The following SNRPC variants were observed in gnomAD, a reference collection of about 807,000 sequenced individuals.
SNRPC encodes the protein small nuclear ribonucleoprotein polypeptide C, also known as U1 small nuclear ribonucleoprotein C.
Under a neutral mutation model 20.0 loss-of-function variants are expected in SNRPC, and 5 were observed. That is an observed-to-expected ratio of 0.25 (90% confidence interval 0.13 to 0.53). The LOEUF (loss-of-function observed/expected upper bound fraction) is 0.53. Among genes scored for constraint, SNRPC ranks in the 20% least tolerant of loss-of-function variants. The probability of loss-of-function intolerance (pLI) is 0.96; values close to 1 mark genes in which losing one functional copy is unlikely to be tolerated. For synonymous variants in SNRPC, 61 were observed against 58.7 expected, an observed-to-expected ratio of 1.04 and a Z score of -0.18; for missense variants, 112 against 224.1, an observed-to-expected ratio of 0.50 and a Z score of 3.19.
intron 3 of SNRPC, among the ~76,000 whole-genome samples, chr6:34,766,140 T>G (rs1378476239): frequency 6.6e-6 from 1 of 152,214 alleles, no homozygotes; most frequent in Non-Finnish European, 1.5e-5. Flanking sequence ...ATTTACAGTA[T>G]ATTCTGTAGT....
At chr6:34,757,792 G>T in intron 1 of SNRPC, 120 bp from the exon 2 acceptor site, 4 of 1,597,654 alleles carry the variant, frequency 2.5e-6, no homozygotes, top group Non-Finnish European at 2.6e-6. Flanking sequence ...TTTGAGTCGT[G>T]AGGCGGTCTG....
rs568398453 is a variant in SNRPC at position 34,770,310 on chromosome 6, T to C, written c.270T>C (p.Gly90=). Residue 90 remains glycine, a synonymous_variant, in exon 5 of 6, where the codon GGT becomes GGC. Transcript: ENST00000244520. ...TTTCAGCGGGTCCTCCTCGCCCTGG[T>C]ATGATGCCAGCACCCCATATGGGGG... ...PPSLPGPPRP[G]MMPAPHMGGP... The C allele has an allele frequency of 6.2e-7, 1 of 1,612,878 alleles. No homozygotes were observed. Among genetic ancestry groups the C allele is most frequent in the African/African-American group, 1.3e-5 (1 of 75,022 alleles).
chr6:34,760,652 A>T (rs1372843345), intron 2 of SNRPC, among the ~76,000 whole-genome samples: 1 of 152,174 alleles, frequency 6.6e-6, no homozygotes, highest in African/African-American at 2.4e-5. Context: ...ATATCTTTTC[A>T]TGAGAAATGT....
intron 4 of SNRPC, among the ~76,000 whole-genome samples, chr6:34,770,070 A>G (rs1764667483): frequency 6.6e-6 from 1 of 152,224 alleles, no homozygotes; most frequent in African/African-American, 2.4e-5. Flanking sequence ...TAGAAATACA[A>G]AATTAGCTGG....
At chr6:34,758,558 GTCC>G (rs1204846212) in intron 2 of SNRPC, among the ~76,000 whole-genome samples, 3 of 152,004 alleles carry the variant, frequency 2.0e-5, no homozygotes, top group Non-Finnish European at 4.4e-5. Flanking sequence ...CAGGCGATCT[GTCC>G]TCCTCGGCCT....
In SNRPC at chr6:34,762,639, G is replaced by A. The variant is rs1581590021; in HGVS notation, c.96G>A (p.Glu32=). The change falls in exon 3 of 6, where the codon GAG becomes GAA. Residue 32 remains glutamate (E), a synonymous_variant. Coordinates refer to ENST00000244520, the MANE Select transcript of SNRPC (RefSeq NM_003093.3). ...ACTGCAGTGGAAGGAAACACAAAGA[G>A]AATGTGAAAGACTATTATCAGAAAT... ...KTHCSGRKHK[E]NVKDYYQKWM... 6.2e-7 allele frequency: 1 copy of A among 1,606,226 alleles called. No individual in the cohort carries two copies. The highest frequency in any genetic ancestry group is 2.2e-5 in the East Asian group (1 of 44,826).
intron 2 of SNRPC, among the ~76,000 whole-genome samples, chr6:34,758,239 T>C (rs1764479500): frequency 6.6e-6 from 1 of 152,108 alleles, no homozygotes; most frequent in African/African-American, 2.4e-5. Flanking sequence ...GATCAGGCAC[T>C]GCACTCCAGC....
At position 34,768,048 on chromosome 6, in the gene SNRPC, T is replaced by G. The variant is rs534626935; in HGVS notation, c.250+51T>G. The G allele has an allele frequency of 3.9e-6, 6 of 1,541,104 alleles. No homozygotes were observed. In the Admixed American group the frequency reaches 9.7e-5, roughly 25 times the overall value. On this transcript the variant is annotated intron_variant, in intron 4 of 5. Transcript: ENST00000244520. ...GGGTGTGACGGGGCAGGCTATCCTT[T>G]GATTAGGTTAGATTATCTCACCGTT... is the stretch of plus-strand genomic sequence containing the variant.
chr6:34,769,228 T>C (rs1581593050), intron 4 of SNRPC, among the ~76,000 whole-genome samples: 1 of 136,014 alleles, frequency 7.4e-6, no homozygotes, highest in South Asian at 2.3e-4. Context: ...TTTCTTTCTT[T>C]CTTTTTTTTT....
chr6:34,760,271 C>T lies in SNRPC; in HGVS notation c.51+2317C>T, dbSNP rs149471195. Among the ~76,000 whole-genome samples the T allele has an allele frequency of 3.7e-4, 57 of 152,096 alleles. 1 individual carries two copies. In the East Asian group the frequency reaches 9.1e-3, roughly 24 times the overall value. On this transcript the variant is annotated intron_variant, in intron 2 of 5. Transcript: ENST00000244520. ...GGGATTACAGGCCTGCACCACCACACCTGGCTAGTTTTCTTATTTTTAGTA... is the reference window on the plus strand; with the variant it reads ...GGGATTACAGGCCTGCACCACCACATCTGGCTAGTTTTCTTATTTTTAGTA...
intron 3 of SNRPC, among the ~76,000 whole-genome samples, chr6:34,763,153 A>G (rs574811343): frequency 6.6e-6 from 1 of 152,340 alleles, no homozygotes; most frequent in South Asian, 2.1e-4. Flanking sequence ...CTAGTCAAAA[A>G]GAGACTACCT....
intron 2 of SNRPC, among the ~76,000 whole-genome samples, chr6:34,760,341 C>G (rs950540336): frequency 2.6e-5 from 4 of 151,978 alleles, no homozygotes; most frequent in Admixed American, 6.6e-5. Context: ...CTCAGCCTCC[C>G]AAAGTGCTGG....
In SNRPC at chr6:34,759,033, A is replaced by G. The variant is rs952868654; in HGVS notation, c.51+1079A>G. 2.9e-4 allele frequency among the ~76,000 whole-genome samples: 44 copies of G among 149,952 alleles called. 1 individual carries two copies. The highest frequency in any genetic ancestry group is 8.8e-4 in the African/African-American group (36 of 40,942). ...AGACTCCGTCTCAAAAAAAAAAAAA[A>G]AAAAAAAAAAAAGAAAAGAAAACCC... On this transcript the variant is annotated intron_variant, in intron 2 of 5. Coordinates refer to ENST00000244520, the MANE Select transcript of SNRPC (RefSeq NM_003093.3).
intron 4 of SNRPC, among the ~76,000 whole-genome samples, chr6:34,768,694 G>A (rs1166288700): frequency 2.0e-5 from 3 of 149,962 alleles, no homozygotes; most frequent in African/African-American, 7.4e-5. Flanking sequence ...GGGGGTTGCA[G>A]TGAGCTGAGA....
At chr6:34,758,968 C>T (rs1400032344) in intron 2 of SNRPC, among the ~76,000 whole-genome samples, 1 of 139,388 alleles carries the variant, frequency 7.2e-6, no homozygotes, top group African/African-American at 2.7e-5. Flanking sequence ...TGCAGTGAGC[C>T]GAGATCCCGC....
chr6:34,767,805 G>C (rs773888990), intron 3 of SNRPC, 103 bp from the exon 4 acceptor site: 6 of 1,171,470 alleles, frequency 5.1e-6, no homozygotes, highest in Non-Finnish European at 6.9e-6. Context: ...CAAGAGTAAA[G>C]TAATTGGAAC....
intron 2 of SNRPC, among the ~76,000 whole-genome samples, chr6:34,762,166 T>C (rs962981663): frequency 1.3e-5 from 2 of 152,108 alleles, no homozygotes; most frequent in Non-Finnish European, 2.9e-5. Context: ...TGGCTGGTCA[T>C]AGTGGCTTGT....
At position 34,771,328 on chromosome 6, in the gene SNRPC, C is replaced by CA. The variant is rs774284128; in HGVS notation, c.355+954dup. Among the ~76,000 whole-genome samples the CA allele has an allele frequency of 5.6e-3, 353 of 63,372 alleles. 3 individuals carry two copies. The highest frequency in any genetic ancestry group is 8.5e-3 in the South Asian group (16 of 1,878). The allele number at this position is 63,372 out of a possible 152,430, so 41.6% of individuals were successfully genotyped here. A position where few individuals can be genotyped will look rare whatever the true frequency, so the allele number is the denominator to read the frequency against. On this transcript the variant is annotated intron_variant, in intron 5 of 5. Transcript: ENST00000244520. ...TGGGTGACAGAGTGAGACTGTGTCT[C>CA]AAAAAAAAAAAAAAAAAAAAAGTGT...
At chr6:34,766,030 C>T (rs1398905390) in intron 3 of SNRPC, among the ~76,000 whole-genome samples, 1 of 151,886 alleles carries the variant, frequency 6.6e-6, no homozygotes, top group African/African-American at 2.4e-5. Flanking sequence ...CATGAGCCAC[C>T]ACACCTGCCC....
Sources: allele counts gnomAD v4.1 joint callset (sites outside exome capture counted in the v4.1 genomes callset), GRCh38; gene constraint gnomAD v4.1.1; transcripts MANE v1.5; gene names NCBI Gene and HGNC (gene_info 2026-07-23, HGNC 2026-07-21).